Variants in TENM2 observed in about 807,000 individuals in gnomAD.
TENM2 encodes the protein teneurin transmembrane protein 2.
Under a neutral mutation model 245.2 loss-of-function variants are expected in TENM2, and 52 were observed. The observed-to-expected ratio is 0.21, with a 90% CI of 0.17 to 0.27. The LOEUF (loss-of-function observed/expected upper bound fraction) is 0.27. Ranked by LOEUF, TENM2 falls within the 10% of genes least tolerant of loss-of-function variation. TENM2 has a pLI of 1.00. For synonymous variants in TENM2, 1,363 were observed against 1,438.9 expected (o/e 0.95, Z 1.19); for missense variants, 3,046 against 3,666.8 (o/e 0.83, Z 4.37).
Position 167,591,391 on chromosome 5 carries a change from G to T in TENM2, c.502+215918G>T, listed in dbSNP as rs931269630. On this transcript the variant is annotated intron_variant, in intron 2 of 28. Coordinates refer to ENST00000518659, the Ensembl canonical transcript of TENM2. ...TTTGATGGTTTGTATTTTATTGAGGGGTAAATATATAATCTATTACTCAAC... is the reference window on the plus strand; with the variant it reads ...TTTGATGGTTTGTATTTTATTGAGGTGTAAATATATAATCTATTACTCAAC... 2.6e-5 allele frequency among the ~76,000 whole-genome samples: 4 copies of T among 152,030 alleles called. No individual in the cohort carries two copies. The East Asian group carries it at 5.8e-4, about 22-fold the overall frequency.
exon 27 of TENM2, chr5:168,246,965 C>T (rs746349094): frequency 6.2e-7 from 1 of 1,613,874 alleles, no homozygotes; most frequent in African/African-American, 1.3e-5. Flanking sequence ...ATCCTGAAGA[C>T]CTCCTTTTTG....
At chr5:167,027,245 G>C in the TENM2 span, among the ~76,000 whole-genome samples, 1 of 152,240 alleles carries the variant, frequency 6.6e-6, no homozygotes, top group South Asian at 2.1e-4. Context: ...GAAGTTTTGA[G>C]AGTTACTTTT....
chr5:167,873,707 T>C (rs1241045372), intron 2 of TENM2, among the ~76,000 whole-genome samples: 1 of 152,206 alleles, frequency 6.6e-6, no homozygotes, highest in Non-Finnish European at 1.5e-5. Context: ...GAAGGAGACC[T>C]GGGATGAGGG....
At chr5:168,154,235 C>T (rs750316845) in intron 12 of TENM2, among the ~76,000 whole-genome samples, 18 of 145,390 alleles carry the variant, frequency 1.2e-4, no homozygotes, top group Non-Finnish European at 2.4e-4. Flanking sequence ...TTTTTTGAGA[C>T]AAAGTCTCGT....
At chr5:168,208,481 G>C (rs1038496568) in intron 19 of TENM2, among the ~76,000 whole-genome samples, 2 of 152,166 alleles carry the variant, frequency 1.3e-5, no homozygotes, top group African/African-American at 4.8e-5. Context: ...CTGGGAAGGC[G>C]GGCAAAGCCA....
intron 4 of TENM2, among the ~76,000 whole-genome samples, chr5:167,992,439 A>G (rs1783737925): frequency 1.3e-5 from 2 of 152,224 alleles, no homozygotes; most frequent in Non-Finnish European, 2.9e-5. Context: ...TGCAAAGGAC[A>G]CCATCTCATT....
chr5:167,633,881 C>T (rs1195816223), intron 2 of TENM2, among the ~76,000 whole-genome samples: 2 of 152,116 alleles, frequency 1.3e-5, no homozygotes, highest in Non-Finnish European at 2.9e-5. Context: ...TTTTTTATTA[C>T]CAACAGCCAT....
the TENM2 span, among the ~76,000 whole-genome samples, chr5:166,995,869 T>A: frequency 1.4e-5 from 2 of 146,080 alleles, no homozygotes; most frequent in African/African-American, 5.1e-5. Context: ...AATGAGGAAA[T>A]TGTCACAAAT....
chr5:166,987,229 C>G, the TENM2 span, among the ~76,000 whole-genome samples: 2 of 152,034 alleles, frequency 1.3e-5, no homozygotes, highest in Non-Finnish European at 2.9e-5. Flanking sequence ...CTTGGTTTTT[C>G]TCTTGTCAGT....
chr5:167,385,856 ATGTG>A (rs60407919), intron 2 of TENM2, among the ~76,000 whole-genome samples: 24,418 of 138,862 alleles, frequency 0.18, 2,104 homozygotes, highest in African/African-American at 0.24. Flanking sequence ...TTATATATAT[ATGTG>A]TGTGTGTGTG....
At chr5:168,097,997 G>A (rs752236782) in intron 8 of TENM2, 29 bp from the exon 11 acceptor site, 3 of 1,556,160 alleles carry the variant, frequency 1.9e-6, no homozygotes, top group Non-Finnish European at 1.8e-6. Context: ...CAGAGGAAAA[G>A]GTAAACACTA....
the TENM2 span, among the ~76,000 whole-genome samples, chr5:167,119,813 A>T: frequency 1.3e-5 from 2 of 152,210 alleles, no homozygotes; most frequent in African/African-American, 4.8e-5. Context: ...GAGATGAATC[A>T]CCCAGCATGT....
the TENM2 span, among the ~76,000 whole-genome samples, chr5:167,013,271 C>A: frequency 2.6e-5 from 4 of 152,146 alleles, no homozygotes; most frequent in Non-Finnish European, 5.9e-5. Flanking sequence ...TTCTAACTTT[C>A]AATGTCCTTG....
intron 6 of TENM2, among the ~76,000 whole-genome samples, chr5:168,048,249 G>A (rs1022598583): frequency 4.6e-5 from 7 of 152,042 alleles, no homozygotes; most frequent in African/African-American, 1.2e-4. Context: ...GGGGAGACTG[G>A]AGCAATTAAG....
rs140257277 is a variant in TENM2 at position 168,081,261 on chromosome 5, A to G, written c.1516-9313A>G. Among the ~76,000 whole-genome samples, 162 of 151,684 alleles carry G rather than the reference A, an allele frequency of 1.1e-3. No homozygotes were observed. The East Asian group carries it at 0.019, about 18-fold the overall frequency. ...AGAGACTAGGATTGCAACCCCTGCT[A>G]TTTTTTTGTTTTCCATTTTCTTGGT... On this transcript the variant is annotated intron_variant, in intron 7 of 28. Coordinates refer to ENST00000518659, the Ensembl canonical transcript of TENM2.
chr5:167,892,604 A>G (rs1258731312), intron 3 of TENM2, among the ~76,000 whole-genome samples: 2 of 152,314 alleles, frequency 1.3e-5, no homozygotes, highest in East Asian at 1.9e-4. Flanking sequence ...TCAAAACCAC[A>G]TAAGTTTCAG....
the TENM2 span, among the ~76,000 whole-genome samples, chr5:167,214,308 CT>C: frequency 3.0e-3 from 451 of 152,254 alleles, 4 homozygotes; most frequent in Middle Eastern, 3.4e-3. Flanking sequence ...AACAAGTAAC[CT>C]TTCTAAGGTG....
chr5:167,152,659 G>T, the TENM2 span, among the ~76,000 whole-genome samples: 1 of 152,118 alleles, frequency 6.6e-6, no homozygotes, highest in African/African-American at 2.4e-5. Context: ...CTCGGATAGT[G>T]CTGAACCCTT....
the TENM2 span, among the ~76,000 whole-genome samples, chr5:167,194,356 C>T: frequency 6.6e-6 from 1 of 152,042 alleles, no homozygotes; most frequent in South Asian, 2.1e-4. Context: ...CTCTCAGTTT[C>T]CTCTAGTTCT....
Sources: allele counts gnomAD v4.1 joint callset (sites outside exome capture counted in the v4.1 genomes callset), GRCh38; gene constraint gnomAD v4.1.1; transcripts MANE v1.5; gene names NCBI Gene and HGNC (gene_info 2026-07-23, HGNC 2026-07-21).